CNST: variants seen among roughly 807,000 people sequenced by gnomAD.
CNST encodes consortin, connexin sorting protein.
Under a neutral mutation model 72.4 loss-of-function variants are expected in CNST, and 39 were observed. That is an observed-to-expected ratio of 0.54 (90% confidence interval 0.42 to 0.70). The LOEUF (loss-of-function observed/expected upper bound fraction) is 0.70, where lower values mean the gene tolerates loss of function less well. Among genes scored for constraint, CNST ranks in the 30% least tolerant of loss-of-function variants. The pLI, the probability that CNST is intolerant of heterozygous loss-of-function variation, is 0.00. For missense variants in CNST, 871 were observed against 868.5 expected, an observed-to-expected ratio of 1.00 and a Z score of -0.04; for synonymous variants, 332 against 320.1, an observed-to-expected ratio of 1.04 and a Z score of -0.40.
rs1394375583 is a variant in CNST at position 246,668,507 on chromosome 1, C to T, written c.*2602C>T. On this transcript the variant is annotated 3_prime_UTR_variant, in exon 11 of 11. Transcript: ENST00000366513. The stretch of plus-strand genomic sequence containing the variant: ...GCTCTTCTGCTTTAAAATACCTCCC[C>T]CATCTGCTGACAGTAGCTGAAGATT... The T allele has an allele frequency of 6.6e-6, 1 of 152,234 alleles. No homozygotes were observed. Among genetic ancestry groups the T allele is most frequent in the Non-Finnish European group, 1.5e-5 (1 of 68,040 alleles). 9.4% of individuals were successfully genotyped at this position (152,234 alleles called of 1,614,324 possible). A position where few individuals can be genotyped will look rare whatever the true frequency, so the allele number is the denominator to read the frequency against.
intron 3 of CNST, 37 bp from the exon 4 acceptor site, chr1:246,631,857 A>C (rs374801304): frequency 1.2e-4 from 147 of 1,264,826 alleles, no homozygotes; most frequent in Non-Finnish European, 4.8e-5. Flanking sequence ...TCCAAGTGTT[A>C]ATTTAATTTT....
chr1:246,580,349 CTT>C (rs1660702880), intron 1 of CNST, among the ~76,000 whole-genome samples: 1 of 152,196 alleles, frequency 6.6e-6, no homozygotes, highest in Middle Eastern at 3.4e-3. Flanking sequence ...ATACTGTACT[CTT>C]TTGAGTAAAT....
chr1:246,651,342 C>T (rs1368506648), intron 9 of CNST, among the ~76,000 whole-genome samples: 1 of 152,134 alleles, frequency 6.6e-6, no homozygotes, highest in Non-Finnish European at 1.5e-5. Context: ...TCTCCCCGCC[C>T]AGGTTCTCTT....
At chr1:246,634,956 C>CGTGTGTTCCGGCCGGGGTAG (rs1665067844) in intron 6 of CNST, among the ~76,000 whole-genome samples, 1 of 115,924 alleles carries the variant, frequency 8.6e-6, no homozygotes. Context: ...CTCGGTGGTG[C>CGTGTGTTCCGGCCGGGGTAG]GTGTCTTCCG....
At chr1:246,636,667 T>C (rs1056524971) in intron 6 of CNST, among the ~76,000 whole-genome samples, 2 of 152,254 alleles carry the variant, frequency 1.3e-5, no homozygotes, top group East Asian at 3.8e-4. Flanking sequence ...TGCTCCCCAT[T>C]GTCCAATTTT....
intron 6 of CNST, among the ~76,000 whole-genome samples, chr1:246,637,386 G>A (rs571238481): frequency 1.3e-5 from 2 of 152,336 alleles, no homozygotes; most frequent in Non-Finnish European, 2.9e-5. Context: ...GGCAGGGAGA[G>A]GCATGGCCTC....
intron 9 of CNST, 141 bp from the exon 10 acceptor site, chr1:246,660,058 T>A: frequency 3.0e-6 from 2 of 668,158 alleles, no homozygotes; most frequent in Non-Finnish European, 5.0e-6. Flanking sequence ...TTCTGTTAGA[T>A]TTTGATGTTA....
chr1:246,605,240 C>CA (rs1413478916), intron 2 of CNST, among the ~76,000 whole-genome samples: 1 of 152,036 alleles, frequency 6.6e-6, no homozygotes, highest in Non-Finnish European at 1.5e-5. Flanking sequence ...TTGAAAAATC[C>CA]AAAATATGGT....
At chr1:246,615,269 G>A (rs897034861) in intron 2 of CNST, among the ~76,000 whole-genome samples, 3 of 152,166 alleles carry the variant, frequency 2.0e-5, no homozygotes, top group African/African-American at 4.8e-5. Flanking sequence ...TCCGCCTCCC[G>A]GGTTCACGCC....
At chr1:246,664,489 T>G (rs182748250) in intron 10 of CNST, among the ~76,000 whole-genome samples, 9 of 151,946 alleles carry the variant, frequency 5.9e-5, no homozygotes, top group Admixed American at 2.6e-4. Flanking sequence ...TGCAGTGGTG[T>G]GATCTCAGCT....
At chr1:246,587,811 G>A (rs1221508610) in intron 1 of CNST, among the ~76,000 whole-genome samples, 1 of 152,164 alleles carries the variant, frequency 6.6e-6, no homozygotes, top group Non-Finnish European at 1.5e-5. Context: ...AAGCCCCATT[G>A]TGAAAGGCAG....
rs568325233 is a variant in CNST at position 246,609,449 on chromosome 1, C to T, written c.380-11980C>T. The stretch of plus-strand genomic sequence containing the variant: ...AAAATTATATGGGCATGGTGGTGGG[C>T]GCCTGTAATCCCAGCTACTTGGGAG... On this transcript the variant is annotated intron_variant, in intron 2 of 10. Transcript: ENST00000366513. Among the ~76,000 whole-genome samples, 7 of 152,214 alleles carry T rather than the reference C, an allele frequency of 4.6e-5. No individual in the cohort carries two copies. In the East Asian group the frequency reaches 9.7e-4, roughly 21 times the overall value.
At chr1:246,618,298 G>A (rs1304054743) in intron 2 of CNST, among the ~76,000 whole-genome samples, 4 of 152,124 alleles carry the variant, frequency 2.6e-5, no homozygotes, top group South Asian at 4.1e-4. Context: ...AAGTCTAATC[G>A]AAGGTCTCTT....
intron 2 of CNST, among the ~76,000 whole-genome samples, chr1:246,599,559 G>A (rs1662127594): frequency 6.6e-6 from 1 of 152,106 alleles, no homozygotes; most frequent in African/African-American, 2.4e-5. Flanking sequence ...CACGTTTAAG[G>A]TCCCTTGTGA....
chr1:246,590,565 T>C (rs1661481746), intron 1 of CNST, among the ~76,000 whole-genome samples: 1 of 152,158 alleles, frequency 6.6e-6, no homozygotes, highest in African/African-American at 2.4e-5. Context: ...TTCATGGTTT[T>C]AGAGACTGTA....
At chr1:246,649,242 A>G (rs1429855924) in intron 9 of CNST, among the ~76,000 whole-genome samples, 1 of 151,834 alleles carries the variant, frequency 6.6e-6, no homozygotes, top group East Asian at 1.9e-4. Context: ...ATTTGGGGCA[A>G]TGAAAAATGT....
At chr1:246,632,954 G>A (rs1664870085) in intron 4 of CNST, among the ~76,000 whole-genome samples, 1 of 152,166 alleles carries the variant, frequency 6.6e-6, no homozygotes, top group East Asian at 1.9e-4. Flanking sequence ...TTGACAGAAA[G>A]TAAGGAGAGA....
At chr1:246,621,270 A>T (rs1000176466) in intron 2 of CNST, among the ~76,000 whole-genome samples, 159 bp from the exon 3 acceptor site, 1 of 152,188 alleles carries the variant, frequency 6.6e-6, no homozygotes, top group African/African-American at 2.4e-5. Context: ...GAAAGACTCA[A>T]CTTCTTTAGT....
At chr1:246,634,956 C>CGTGTCTTCCGGCCGGGATAG (rs1553381629) in intron 6 of CNST, among the ~76,000 whole-genome samples, 3 of 115,924 alleles carry the variant, frequency 2.6e-5, no homozygotes, top group Non-Finnish European at 5.6e-5. Flanking sequence ...CTCGGTGGTG[C>CGTGTCTTCCGGCCGGGATAG]GTGTCTTCCG....
Sources: allele counts gnomAD v4.1 joint callset (sites outside exome capture counted in the v4.1 genomes callset), GRCh38; gene constraint gnomAD v4.1.1; transcripts MANE v1.5; gene names NCBI Gene and HGNC (gene_info 2026-07-23, HGNC 2026-07-21).